The following IRS2 variants were observed in gnomAD, a reference collection of about 807,000 sequenced individuals.
The protein encoded by IRS2 is insulin receptor substrate 2.
Under a neutral mutation model 70.9 loss-of-function variants are expected in IRS2, and 28 were observed. The ratio of observed to expected loss-of-function variants is 0.39; its 90% CI spans 0.29 to 0.54. IRS2 has a LOEUF of 0.54. Ranked by LOEUF, IRS2 falls within the 20% of genes least tolerant of loss-of-function variation. IRS2 has a pLI of 0.59. For synonymous variants in IRS2, 1,217 were observed against 981.9 expected, an observed-to-expected ratio of 1.24 and a Z score of -4.48; for missense variants, 2,081 against 2,024.1, an observed-to-expected ratio of 1.03 and a Z score of -0.54.
chr13:109,782,618 G>C lies in IRS2; in HGVS notation c.3436C>G (p.Arg1146Gly). 6.3e-7 allele frequency: 1 copy of C among 1,578,132 alleles called. No individual in the cohort carries two copies. The highest frequency in any genetic ancestry group is 8.6e-7 in the Non-Finnish European group (1 of 1,163,366). The stretch of plus-strand genomic sequence containing the variant: ...GAGGAGAAGGTCTCGGAACTGTGGC[G>C]GCGGCGGCCCCCCTGCGGGTCTGCG... ...IRADPQGGRR[R>G]HSSETFSSTT... The change falls in exon 1 of 2, where the codon CGC becomes GGC. Residue 1146 changes from arginine to glycine, a missense_variant. This residue lies in a region of IRS2 where 1,615 missense variants were observed against 1,459.5 expected (regional missense o/e 1.11). Coordinates refer to ENST00000375856, the MANE Select transcript of IRS2 (RefSeq NM_003749.3).
Position 109,783,100 on chromosome 13 carries a change from G to T in IRS2, c.2954C>A (p.Ser985Tyr). The T allele has an allele frequency of 7.2e-7, 1 of 1,392,722 alleles. No homozygotes were observed. Among genetic ancestry groups the T allele is most frequent in the Non-Finnish European group, 9.3e-7 (1 of 1,080,416 alleles). The allele number at this position is 1,392,722 out of a possible 1,614,324, so 86.3% of individuals were successfully genotyped here. ...GGCGCCCGGCTTAGGAGACTTGGGG[G>T]AGCTGAAGTCGAGGTTCATGTAGTC... ...LSDYMNLDFS[S>Y]PKSPKPGAPS... The change falls in exon 1 of 2, where the codon TCC becomes TAC. Residue 985 changes from serine to tyrosine, a missense_variant. By Grantham distance (144) the Ser-to-Tyr change is moderately radical (BLOSUM62 -2). Coordinates refer to ENST00000375856, the MANE Select transcript of IRS2 (RefSeq NM_003749.3).
chr13:109,768,375 A>C (rs1378363333), intron 1 of IRS2, among the ~76,000 whole-genome samples: 1 of 152,228 alleles, frequency 6.6e-6, no homozygotes, highest in Non-Finnish European at 1.5e-5. Flanking sequence ...TTTCCTCACC[A>C]GCAGGCTAAG....
intron 1 of IRS2, among the ~76,000 whole-genome samples, chr13:109,770,742 G>A (rs753655670): frequency 1.3e-5 from 2 of 152,232 alleles, no homozygotes; most frequent in Non-Finnish European, 2.9e-5. Flanking sequence ...CTAGGGAACA[G>A]AGGCCAGGCT....
Position 109,785,976 on chromosome 13 carries a change from G to A in IRS2, c.78C>T (p.Asn26=). ...CGCACTTGCGCACGCTGTGGTTGTTGTTGTTGTTGTTGTTGTTGAGGTTGG... is the reference window on the plus strand; with the variant it reads ...CGCACTTGCGCACGCTGTGGTTGTTATTGTTGTTGTTGTTGTTGAGGTTGG... ...DGPNLNNNNN[N]NNHSVRKCGY... is the part of the protein sequence containing the mutation. The change falls in exon 1 of 2, where the codon AAC becomes AAT. Residue 26 remains asparagine (N), a synonymous_variant. Transcript: ENST00000375856. This position sits in a 1 kb window ranked among gnomAD's most constrained non-coding sequence, Gnocchi z 9.3. 2 of 1,484,180 alleles carry A rather than the reference G, an allele frequency of 1.3e-6. No homozygotes were observed. Among genetic ancestry groups the A allele is most frequent in the Non-Finnish European group, 1.8e-6 (2 of 1,123,030 alleles). The allele number at this position is 1,484,180 out of a possible 1,614,324, so 91.9% of individuals were successfully genotyped here.
Position 109,783,047 on chromosome 13 carries a change from C to T in IRS2, c.3007G>A (p.Asp1003Asn). The change falls in exon 1 of 2, where the codon GAC (aspartate) becomes AAC (asparagine). Residue 1003 changes from aspartate to asparagine, a missense_variant. By Grantham distance (23) the Asp-to-Asn change is conservative. Transcript: ENST00000375856. The part of the protein sequence containing the change: ...APSGHPVGSL[D>N]GLLSPEASSP... ...GAGGCCTCGGGGGACAGGAGGCCGT[C>T]CAAGGAGCCCACGGGGTGGCCGCTC... The T allele has an allele frequency of 1.5e-6, 2 of 1,371,140 alleles. No homozygotes were observed. The highest frequency in any genetic ancestry group is 3.5e-5 in the South Asian group (2 of 57,058). The allele number at this position is 1,371,140 out of a possible 1,614,324, so 84.9% of individuals were successfully genotyped here.
At position 109,783,574 on chromosome 13, in the gene IRS2, C is replaced by T. The variant is rs1480065858; in HGVS notation, c.2480G>A (p.Ser827Asn). ...CTCCAGGATGCGCCCCACGGGGGAG[C>T]TCATGAGCACGTACTGGTCGCTGTC... ...GGDSDQYVLMSSPVGRILEEE... is the reference protein window; with the variant it reads ...GGDSDQYVLMNSPVGRILEEE... The change falls in exon 1 of 2, where the codon AGC (serine) becomes AAC (asparagine). Residue 827 changes from serine to asparagine, a missense_variant. By Grantham distance (46) the Ser-to-Asn change is conservative (BLOSUM62 1). Coordinates refer to ENST00000375856, the MANE Select transcript of IRS2 (RefSeq NM_003749.3). 6.5e-7 allele frequency: 1 copy of T among 1,548,792 alleles called. No homozygotes were observed. Among genetic ancestry groups the T allele is most frequent in the Non-Finnish European group, 8.7e-7 (1 of 1,145,926 alleles).
rs1382103894 is a variant in IRS2, at chr13:109,785,859, C to T, written c.195G>A (p.Gly65=). 2 of 1,512,780 alleles carry T rather than the reference C, an allele frequency of 1.3e-6. No homozygotes were observed. The highest frequency in any genetic ancestry group is 2.1e-5 in the Admixed American group (1 of 48,582). 93.7% of individuals were successfully genotyped at this position (1,512,780 alleles called of 1,614,324 possible). A position where few individuals can be genotyped will look rare whatever the true frequency, so the allele number is the denominator to read the frequency against. ...AGGDEATAGG[G]SAPQPPRLEY... ...CGAGCCGCGGCGGTTGCGGCGCCGA[C>T]CCCCCGCCCGCCGTCGCCTCGTCGC... The change falls in exon 1 of 2, where the codon GGG becomes GGA. Residue 65 remains glycine (G), a synonymous_variant. Transcript: ENST00000375856. This position sits in a 1 kb window ranked among gnomAD's most constrained non-coding sequence, Gnocchi z 9.3.
At position 109,786,113 on chromosome 13, in the gene IRS2, G is replaced by A. The variant is rs1270613262; in HGVS notation, c.-60C>T. On this transcript the variant is annotated 5_prime_UTR_variant, in exon 1 of 2. Coordinates refer to ENST00000375856, the MANE Select transcript of IRS2 (RefSeq NM_003749.3). The surrounding 1 kb of genome is among the most constrained non-coding windows in gnomAD (Gnocchi z 4.4). ...CGCCCAGGGGTTGGGGCGAGGGGCG[G>A]AGGGGGCGCGGGCGGGGGCGGCTCC... The A allele has an allele frequency of 4.2e-6, 4 of 949,004 alleles. No homozygotes were observed. The highest frequency in any genetic ancestry group is 3.6e-5 in the African/African-American group (2 of 55,972). The allele number at this position is 949,004 out of a possible 1,614,324, so 58.8% of individuals were successfully genotyped here.
chr13:109,782,940 C>G lies in IRS2; in HGVS notation c.3114G>C (p.Pro1038=). ...CGGGGGGCAGGCGGTACAGCTCCCC[C>G]GGGGCCGGCGGCGGTGGCGGCGGCT... ...SLQPPPPPPA[P]GELYRLPPAS... The change falls in exon 1 of 2, where the codon CCG becomes CCC. Residue 1038 remains proline (P), a synonymous_variant. Transcript: ENST00000375856. The G allele has an allele frequency of 6.8e-7, 1 of 1,460,842 alleles. No homozygotes were observed. The allele number at this position is 1,460,842 out of a possible 1,614,324, so 90.5% of individuals were successfully genotyped here.
In IRS2 at chr13:109,786,019, G is replaced by T. The variant is rs1022312372; in HGVS notation, c.35C>A (p.Pro12Gln). ...GAGGTTGGGGCCGTCTCCGCTCGCCGGCCCGGGCGGCCCGTGCCGCGGCGG... is the reference window on the plus strand; with the variant it reads ...GAGGTTGGGGCCGTCTCCGCTCGCCTGCCCGGGCGGCCCGTGCCGCGGCGG... ...ASPPRHGPPG[P>Q]ASGDGPNLNN... Residue 12 changes from proline to glutamine, a missense_variant, in exon 1 of 2, where the codon CCG becomes CAG. Coordinates refer to ENST00000375856, the MANE Select transcript of IRS2 (RefSeq NM_003749.3). The surrounding 1 kb of genome is among the most constrained non-coding windows in gnomAD (Gnocchi z 4.4). 3.7e-6 allele frequency: 5 copies of T among 1,369,020 alleles called. No homozygotes were observed. The highest frequency in any genetic ancestry group is 4.7e-6 in the Non-Finnish European group (5 of 1,061,318). The allele number at this position is 1,369,020 out of a possible 1,614,324, so 84.8% of individuals were successfully genotyped here.
rs1877086099 is a variant in IRS2 at position 109,755,507 on chromosome 13, A to ATTC, written c.*794_*796dup. 1 of 211,490 alleles carries ATTC rather than the reference A, an allele frequency of 4.7e-6. No homozygotes were observed. The highest frequency in any genetic ancestry group is 9.6e-6 in the Non-Finnish European group (1 of 104,318). 13.1% of individuals were successfully genotyped at this position (211,490 alleles called of 1,614,324 possible). ...AAGTCTGTTAAAGGTAAAAAGAGAT[A>ATTC]TTCATCCCCTTCCCAAAGCCCTTCC... On this transcript the variant is annotated 3_prime_UTR_variant, in exon 2 of 2. Coordinates refer to ENST00000375856, the MANE Select transcript of IRS2 (RefSeq NM_003749.3).
chr13:109,755,233 G>GTTTTTTTT lies in IRS2; in HGVS notation c.*1063_*1070dup, dbSNP rs57032199. The GTTTTTTTT allele has an allele frequency of 4.9e-6, 1 of 206,180 alleles. No homozygotes were observed. The highest frequency in any genetic ancestry group is 9.4e-6 in the Non-Finnish European group (1 of 106,758). The allele number at this position is 206,180 out of a possible 1,614,324, so 12.8% of individuals were successfully genotyped here. The stretch of plus-strand genomic sequence containing the variant: ...TCTTTCCTTTTTTTTTTTTCTTTTT[G>GTTTTTTTT]TTTTTTTTGTTCAGGGCAGCCTCAC... On this transcript the variant is annotated 3_prime_UTR_variant, in exon 2 of 2. Coordinates refer to ENST00000375856, the MANE Select transcript of IRS2 (RefSeq NM_003749.3).
chr13:109,776,457 A>G (rs1362859670), intron 1 of IRS2, among the ~76,000 whole-genome samples: 3 of 152,266 alleles, frequency 2.0e-5, no homozygotes, highest in Non-Finnish European at 4.4e-5. Flanking sequence ...CAGAACCACC[A>G]AATTGACTAT....
Position 109,785,751 on chromosome 13 carries a change from G to C in IRS2, c.303C>G (p.Ile101Met). The change falls in exon 1 of 2, where the codon ATC becomes ATG. Residue 101 changes from isoleucine to methionine, a missense_variant. Physicochemically the swap from Ile to Met is conservative, Grantham distance 10. Around this residue, in one of 4 missense-constraint regions of IRS2, gnomAD observed 320 missense variants for 352.9 expected, o/e 0.91. Coordinates refer to ENST00000375856, the MANE Select transcript of IRS2 (RefSeq NM_003749.3). The surrounding 1 kb of genome is among the most constrained non-coding windows in gnomAD (Gnocchi z 9.3). ...RVIALDCCLN[I>M]NKRADAKHKY... ...TGTGCTTGGCGTCGGCGCGCTTGTTGATGTTCAGGCAGCAGTCGAGAGCGA... is the reference window on the plus strand; with the variant it reads ...TGTGCTTGGCGTCGGCGCGCTTGTTCATGTTCAGGCAGCAGTCGAGAGCGA... 6.3e-7 allele frequency: 1 copy of C among 1,596,302 alleles called. No homozygotes were observed.
rs1387900667 is a variant in IRS2, at chr13:109,755,983, CACTG to C, written c.*317_*320del. 2 of 428,140 alleles carry C rather than the reference CACTG, an allele frequency of 4.7e-6. No homozygotes were observed. The highest frequency in any genetic ancestry group is 3.7e-5 in the East Asian group (1 of 27,196). 26.5% of individuals were successfully genotyped at this position (428,140 alleles called of 1,614,324 possible). On this transcript the variant is annotated 3_prime_UTR_variant, in exon 2 of 2. Transcript: ENST00000375856. ...AGGAAAAGAAGAAGAAATTAAAAGACACTGGCCACAATTTAAGAAGGCCAATGAA... is the reference window on the plus strand; with the variant it reads ...AGGAAAAGAAGAAGAAATTAAAAGACGCCACAATTTAAGAAGGCCAATGAA...
At chr13:109,778,398 T>C (rs1010434603) in intron 1 of IRS2, among the ~76,000 whole-genome samples, 7 of 152,368 alleles carry the variant, frequency 4.6e-5, no homozygotes, top group African/African-American at 1.7e-4. Context: ...GAACAAGTCA[T>C]GTGACTTTCA....
chr13:109,762,858 A>G (rs1594380114), intron 1 of IRS2, among the ~76,000 whole-genome samples: 1 of 152,248 alleles, frequency 6.6e-6, no homozygotes, highest in East Asian at 1.9e-4. Context: ...AAAGTTTTCT[A>G]AAACAGAACG....
chr13:109,777,097 G>C (rs9559656), intron 1 of IRS2, among the ~76,000 whole-genome samples: 45,120 of 151,982 alleles, frequency 0.3, 6,819 homozygotes, highest in Middle Eastern at 0.46. Flanking sequence ...CTGCATTACA[G>C]CTGTCCAAAT....
rs1877897046 is a variant in IRS2, at chr13:109,785,604, G to A, written c.450C>T (p.Ala150=). The part of the protein sequence containing the change: ...TDLVSEGRAA[A]GDAPPAAAPA... ...GCGCGGCGGCGGGGGGCGCGTCTCC[G>A]GCGGCCGCGCGGCCCTCGCTGACCA... Residue 150 remains alanine, a synonymous_variant, in exon 1 of 2, where the codon GCC becomes GCT. Coordinates refer to ENST00000375856, the MANE Select transcript of IRS2 (RefSeq NM_003749.3). The surrounding 1 kb of genome is among the most constrained non-coding windows in gnomAD (Gnocchi z 9.3). 1.5e-6 allele frequency: 2 copies of A among 1,365,244 alleles called. No homozygotes were observed. Among genetic ancestry groups the A allele is most frequent in the East Asian group, 3.1e-5 (1 of 31,886 alleles). 84.6% of individuals were successfully genotyped at this position (1,365,244 alleles called of 1,614,324 possible).
Sources: allele counts gnomAD v4.1 joint callset (sites outside exome capture counted in the v4.1 genomes callset), GRCh38; gene constraint gnomAD v4.1.1; regional missense constraint gnomAD v4.1.1; non-coding constraint Gnocchi (gnomAD v3.1); transcripts MANE v1.5; gene names NCBI Gene and HGNC (gene_info 2026-07-23, HGNC 2026-07-21).